PLAGL2: variants seen among roughly 807,000 people sequenced by gnomAD.
PLAGL2 encodes zinc finger protein PLAGL2.
PLAGL2 carries 7 observed loss-of-function variants against 29.0 expected under a neutral mutation model. That is an observed-to-expected ratio of 0.24 (90% CI 0.14 to 0.45). The LOEUF is 0.45. PLAGL2 is among the 20% of genes least tolerant of loss of function. PLAGL2 has a pLI of 0.99. For missense variants in PLAGL2, 454 were observed against 648.2 expected (o/e 0.70, Z 3.25); for synonymous variants, 234 against 266.0 (o/e 0.88, Z 1.17).
At chr20:32,199,466 G>T (rs1481458467) in intron 2 of PLAGL2, among the ~76,000 whole-genome samples, 1 of 152,326 alleles carries the variant, frequency 6.6e-6, no homozygotes, top group Non-Finnish European at 1.5e-5. Flanking sequence ...AATTATATGT[G>T]ATGAGTCAGG....
In PLAGL2 at chr20:32,194,840, A is replaced by T. The variant is rs1395507954; in HGVS notation, c.*1612T>A. Reference sequence around the variant, plus strand: ...GTAAAGAGGTAGAAGTGTGTTTCTGAATCAGAGTGGAAGCGTCTCAAGGGT... The same window carrying T: ...GTAAAGAGGTAGAAGTGTGTTTCTGTATCAGAGTGGAAGCGTCTCAAGGGT... On this transcript the variant is annotated 3_prime_UTR_variant, in exon 3 of 3. Coordinates refer to ENST00000246229, the MANE Select transcript of PLAGL2 (RefSeq NM_002657.3). 1 of 152,610 alleles carries T rather than the reference A, an allele frequency of 6.6e-6. No individual in the cohort carries two copies. The highest frequency in any genetic ancestry group is 1.5e-5 in the Non-Finnish European group (1 of 68,040). 9.5% of individuals were successfully genotyped at this position (152,610 alleles called of 1,614,324 possible). A position where few individuals can be genotyped will look rare whatever the true frequency, so the allele number is the denominator to read the frequency against.
intron 1 of PLAGL2, among the ~76,000 whole-genome samples, chr20:32,203,922 G>A (rs770441343): frequency 6.6e-6 from 1 of 152,198 alleles, no homozygotes; most frequent in Non-Finnish European, 1.5e-5. Flanking sequence ...ACATGCTGGG[G>A]AGGGGTAGGT....
At position 32,197,239 on chromosome 20, in the gene PLAGL2, G is replaced by A. The variant is rs748978685; in HGVS notation, c.704C>T (p.Thr235Met). The A allele has an allele frequency of 5.6e-6, 9 of 1,613,976 alleles. No individual in the cohort carries two copies. Among genetic ancestry groups the A allele is most frequent in the East Asian group, 4.5e-5 (2 of 44,898 alleles). Residue 235 changes from threonine to methionine, a missense_variant, in exon 3 of 3, where the codon ACG (threonine) becomes ATG (methionine). Thr to Met is a moderately conservative substitution (Grantham distance 81). Coordinates refer to ENST00000246229, the MANE Select transcript of PLAGL2 (RefSeq NM_002657.3). This position sits in a 1 kb window ranked among gnomAD's most constrained non-coding sequence, Gnocchi z 6.6. ...AQRFGRKDHL[T>M]RHVKKSHSQE... is the part of the protein sequence containing the mutation. The stretch of plus-strand genomic sequence containing the variant: ...CGAGTGGCTCTTCTTGACATGACGC[G>A]TCAGGTGGTCCTTACGGCCAAACCG...
intron 2 of PLAGL2, among the ~76,000 whole-genome samples, chr20:32,200,422 T>A (rs1037016971): frequency 1.3e-5 from 2 of 151,982 alleles, no homozygotes; most frequent in Non-Finnish European, 2.9e-5. Flanking sequence ...GTATTTTTAG[T>A]AGAGACGGGG....
At chr20:32,205,024 T>TAGGCAGGTTACTTTATTTCTCTGAACCTC (rs2047278886) in intron 1 of PLAGL2, among the ~76,000 whole-genome samples, 1 of 152,220 alleles carries the variant, frequency 6.6e-6, no homozygotes, top group Non-Finnish European at 1.5e-5. Context: ...TGGGAAACCA[T>TAGGCAGGTTACTTTATTTCTCTGAACCTC]AGGCAGGTTA....
rs751194796 is a variant in PLAGL2, at chr20:32,196,455, C to T, written c.1488G>A (p.Gln496=). 1.3e-5 allele frequency: 19 copies of T among 1,475,704 alleles called. No individual in the cohort carries two copies. The highest frequency in any genetic ancestry group is 5.6e-5 in the African/African-American group (4 of 70,860). 91.4% of individuals were successfully genotyped at this position (1,475,704 alleles called of 1,614,324 possible). A position where few individuals can be genotyped will look rare whatever the true frequency, so the allele number is the denominator to read the frequency against. The change falls in exon 3 of 3, where the codon CAG becomes CAA. Residue 496 remains glutamine (Q), a synonymous_variant. Transcript: ENST00000246229. ...TTLPRFHQAF[Q] ...GAGCTGAGGGCCTCTGTGGGGGCTA[C>T]TGGAATGCTTGATGGAAACGAGGCA...
intron 1 of PLAGL2, among the ~76,000 whole-genome samples, chr20:32,205,787 T>C (rs2047283340): frequency 6.6e-6 from 1 of 152,194 alleles, no homozygotes; most frequent in Non-Finnish European, 1.5e-5. Context: ...AGAGCTATTA[T>C]CTTTGTCTTT....
In PLAGL2 at chr20:32,193,481, C is replaced by T. The variant is rs1393965037; in HGVS notation, c.*2971G>A. On this transcript the variant is annotated 3_prime_UTR_variant, in exon 3 of 3. Coordinates refer to ENST00000246229, the MANE Select transcript of PLAGL2 (RefSeq NM_002657.3). Reference sequence around the variant, plus strand: ...GATGCAGAGATCCTTTGAGCTGACACCTGGGCATGTCATCCCCTTACCCCC... The same window carrying T: ...GATGCAGAGATCCTTTGAGCTGACATCTGGGCATGTCATCCCCTTACCCCC... 6.6e-6 allele frequency: 1 copy of T among 152,236 alleles called. No individual in the cohort carries two copies. Among genetic ancestry groups the T allele is most frequent in the African/African-American group, 2.4e-5 (1 of 41,444 alleles). 9.4% of individuals were successfully genotyped at this position (152,236 alleles called of 1,614,324 possible). A position where few individuals can be genotyped will look rare whatever the true frequency, so the allele number is the denominator to read the frequency against.
In PLAGL2 at chr20:32,193,360, G is replaced by GA. The variant is rs1318022443; in HGVS notation, c.*3091dup. 4 of 152,200 alleles carry GA rather than the reference G, an allele frequency of 2.6e-5. No homozygotes were observed. 9.4% of individuals were successfully genotyped at this position (152,200 alleles called of 1,614,324 possible). ...ACCTGCTTCCCGGATTTTCAATTAAGAAAATGCCATTTGTAAAAGGTTGGG... is the reference window on the plus strand; with the variant it reads ...ACCTGCTTCCCGGATTTTCAATTAAGAAAAATGCCATTTGTAAAAGGTTGGG... On this transcript the variant is annotated 3_prime_UTR_variant, in exon 3 of 3. Transcript: ENST00000246229.
rs777486092 is a variant in PLAGL2, at chr20:32,197,963, A to G, written c.261-281T>C. 1.5e-4 allele frequency among the ~76,000 whole-genome samples: 23 copies of G among 152,232 alleles called. No homozygotes were observed. The highest frequency in any genetic ancestry group is 2.5e-4 in the Non-Finnish European group (17 of 68,048). ...TAGGGAACTGGTTACATAAATTATG[A>G]TAAGTCCATAAAATGACTCAACTTT... is the stretch of plus-strand genomic sequence containing the variant. On this transcript the variant is annotated intron_variant, in intron 2 of 2. Coordinates refer to ENST00000246229, the MANE Select transcript of PLAGL2 (RefSeq NM_002657.3). This position sits in a 1 kb window ranked among gnomAD's most constrained non-coding sequence, Gnocchi z 6.6.
At chr20:32,199,700 G>A (rs2047249089) in intron 2 of PLAGL2, among the ~76,000 whole-genome samples, 1 of 152,096 alleles carries the variant, frequency 6.6e-6, no homozygotes, top group Non-Finnish European at 1.5e-5. Flanking sequence ...TAGCGGGTGT[G>A]GTGGTGGTAC....
Position 32,197,794 on chromosome 20 carries a change from T to G in PLAGL2, c.261-112A>C. On this transcript the variant is annotated intron_variant, in intron 2 of 2. Transcript: ENST00000246229. The surrounding 1 kb of genome is among the most constrained non-coding windows in gnomAD (Gnocchi z 6.6). ...AGGAAACTAGATATAAAAACCATGG[T>G]AAAGGCTTGCAATGCAATACCAAAC... 9 of 844,264 alleles carry G rather than the reference T, an allele frequency of 1.1e-5. No homozygotes were observed. The highest frequency in any genetic ancestry group is 1.5e-5 in the Non-Finnish European group (8 of 538,846). The allele number at this position is 844,264 out of a possible 1,614,324, so 52.3% of individuals were successfully genotyped here. A position where few individuals can be genotyped will look rare whatever the true frequency, so the allele number is the denominator to read the frequency against.
intron 1 of PLAGL2, among the ~76,000 whole-genome samples, chr20:32,203,072 T>A (rs531106124): frequency 1.3e-5 from 2 of 152,306 alleles, no homozygotes; most frequent in South Asian, 4.1e-4. Flanking sequence ...AGAGTACATA[T>A]GCACATCTCC....
intron 2 of PLAGL2, 133 bp downstream of exon 2, chr20:32,201,786 T>G: frequency 1.4e-6 from 1 of 692,020 alleles, no homozygotes; most frequent in South Asian, 1.9e-5. Context: ...CTGTTTGGCA[T>G]TCAGGGTATA....
Position 32,195,531 on chromosome 20 carries a change from A to T in PLAGL2, c.*921T>A, listed in dbSNP as rs2047223296. On this transcript the variant is annotated 3_prime_UTR_variant, in exon 3 of 3. Coordinates refer to ENST00000246229, the MANE Select transcript of PLAGL2 (RefSeq NM_002657.3). ...AAAAACAGAATTGCAGACCTGTGAG[A>T]AAACTGCTCCAATCCTCTTGCCTGT... is the stretch of plus-strand genomic sequence containing the variant. 1 of 152,720 alleles carries T rather than the reference A, an allele frequency of 6.5e-6. No individual in the cohort carries two copies. Among genetic ancestry groups the T allele is most frequent in the South Asian group, 2.1e-4 (1 of 4,834 alleles). 9.5% of individuals were successfully genotyped at this position (152,720 alleles called of 1,614,324 possible).
chr20:32,203,218 G>T (rs143530485), intron 1 of PLAGL2, among the ~76,000 whole-genome samples: 1 of 152,168 alleles, frequency 6.6e-6, no homozygotes, highest in Non-Finnish European at 1.5e-5. Context: ...ATTTCAGATA[G>T]GTAAACTAGT....
intron 1 of PLAGL2, among the ~76,000 whole-genome samples, chr20:32,206,291 A>T (rs961067876): frequency 5.9e-5 from 9 of 152,168 alleles, no homozygotes; most frequent in African/African-American, 2.2e-4. Context: ...GGAGAATTAA[A>T]TTACAGGGAG....
In PLAGL2 at chr20:32,192,890, C is replaced by T. The variant is rs1235395362; in HGVS notation, c.*3562G>A. The T allele has an allele frequency of 6.6e-6, 1 of 152,550 alleles. No individual in the cohort carries two copies. The highest frequency in any genetic ancestry group is 1.5e-5 in the Non-Finnish European group (1 of 68,054). The allele number at this position is 152,550 out of a possible 1,614,324, so 9.4% of individuals were successfully genotyped here. On this transcript the variant is annotated 3_prime_UTR_variant, in exon 3 of 3. Transcript: ENST00000246229. ...TCAGCTAAGGAAGTCAGCTGACACA[C>T]AAAGAAATCGGACTGGAATTTTTCC...
Position 32,194,314 on chromosome 20 carries a change from A to G in PLAGL2, c.*2138T>C, listed in dbSNP as rs939620205. The G allele has an allele frequency of 2.0e-5, 3 of 152,236 alleles. No individual in the cohort carries two copies. Among genetic ancestry groups the G allele is most frequent in the African/African-American group, 7.2e-5 (3 of 41,452 alleles). 9.4% of individuals were successfully genotyped at this position (152,236 alleles called of 1,614,324 possible). A position where few individuals can be genotyped will look rare whatever the true frequency, so the allele number is the denominator to read the frequency against. ...ACTGGATTCTCACATACCATCACCT[A>G]TAATACAAGTCCCAATAACATGCAC... On this transcript the variant is annotated 3_prime_UTR_variant, in exon 3 of 3. Transcript: ENST00000246229.
Sources: allele counts gnomAD v4.1 joint callset (sites outside exome capture counted in the v4.1 genomes callset), GRCh38; gene constraint gnomAD v4.1.1; non-coding constraint Gnocchi (gnomAD v3.1); transcripts MANE v1.5; gene names NCBI Gene and HGNC (gene_info 2026-07-23, HGNC 2026-07-21).